Variants in MAF observed in about 807,000 individuals in gnomAD.
The protein encoded by MAF is transcription factor Maf.
Under a neutral mutation model 22.0 loss-of-function variants are expected in MAF, and 10 were observed. The ratio of observed to expected loss-of-function variants is 0.45; its 90% CI spans 0.28 to 0.77. MAF has a LOEUF of 0.77. Among genes scored for constraint, MAF ranks in the 30% least tolerant of loss-of-function variants. The pLI is 0.12. For missense variants in MAF, 544 were observed against 548.4 expected, an observed-to-expected ratio of 0.99 and a Z score of 0.08; for synonymous variants, 337 against 255.8, an observed-to-expected ratio of 1.32 and a Z score of -3.03.
chr16:79,336,918 C>G, the MAF span, among the ~76,000 whole-genome samples: 1 of 152,136 alleles, frequency 6.6e-6, no homozygotes, highest in African/African-American at 2.4e-5. Context: ...CTGGGGTGTA[C>G]AAGACGTTGT....
the MAF span, among the ~76,000 whole-genome samples, chr16:79,496,744 T>C: frequency 6.6e-6 from 1 of 152,158 alleles, no homozygotes; most frequent in East Asian, 1.9e-4. Flanking sequence ...GCTATGAAAA[T>C]AAACACACCA....
the MAF span, among the ~76,000 whole-genome samples, chr16:79,246,377 C>A: frequency 2.0e-5 from 3 of 152,052 alleles, no homozygotes; most frequent in African/African-American, 7.2e-5. Context: ...TATCTCAACC[C>A]ACAAATGTTA....
chr16:79,399,696 G>A, the MAF span, among the ~76,000 whole-genome samples: 13 of 152,222 alleles, frequency 8.5e-5, no homozygotes, highest in African/African-American at 2.4e-4. Context: ...AAACATAACC[G>A]AGATCAAGGC....
At chr16:79,476,730 T>C in the MAF span, among the ~76,000 whole-genome samples, 2 of 152,186 alleles carry the variant, frequency 1.3e-5, no homozygotes, top group Non-Finnish European at 2.9e-5. Context: ...GTGAGAAGGC[T>C]GACAAGATGA....
At chr16:79,402,506 A>G in the MAF span, among the ~76,000 whole-genome samples, 1 of 152,104 alleles carries the variant, frequency 6.6e-6, no homozygotes, top group Admixed American at 6.5e-5. Flanking sequence ...CCTGGAAAAC[A>G]CTGGGCCAGT....
chr16:79,325,478 G>T, the MAF span, among the ~76,000 whole-genome samples: 2 of 152,090 alleles, frequency 1.3e-5, no homozygotes, highest in Non-Finnish European at 2.9e-5. Flanking sequence ...CTGGCTCAGG[G>T]TCCCACAGCT....
At chr16:79,484,221 G>C in the MAF span, among the ~76,000 whole-genome samples, 1 of 152,190 alleles carries the variant, frequency 6.6e-6, no homozygotes, top group African/African-American at 2.4e-5. Flanking sequence ...AACCGTCCAG[G>C]TCCCCTGAGA....
the MAF span, among the ~76,000 whole-genome samples, chr16:79,524,157 A>G: frequency 6.6e-6 from 1 of 152,168 alleles, no homozygotes; most frequent in Non-Finnish European, 1.5e-5. Context: ...TTCCTCTTTG[A>G]TAAACCCTCT....
chr16:79,269,561 A>T, the MAF span, among the ~76,000 whole-genome samples: 8 of 152,192 alleles, frequency 5.3e-5, no homozygotes, highest in African/African-American at 1.9e-4. Flanking sequence ...GATTAATGGC[A>T]TCTTGAGGTT....
the MAF span, among the ~76,000 whole-genome samples, chr16:79,513,546 T>C: frequency 6.6e-6 from 1 of 151,966 alleles, no homozygotes; most frequent in East Asian, 1.9e-4. Flanking sequence ...TCTAGCAAAG[T>C]GGTTGTGAGC....
the MAF span, among the ~76,000 whole-genome samples, chr16:79,391,766 C>G: frequency 1.3e-5 from 2 of 152,200 alleles, no homozygotes; most frequent in East Asian, 3.9e-4. Context: ...TGCCAAAGCG[C>G]ATCATCTGCT....
chr16:79,554,249 T>C, the MAF span, among the ~76,000 whole-genome samples: 1 of 151,942 alleles, frequency 6.6e-6, no homozygotes, highest in Non-Finnish European at 1.5e-5. Context: ...GCCCAAGAGG[T>C]AGGAAGTAAA....
the MAF span, chr16:79,205,130 TG>T: frequency 5.9e-5 from 9 of 152,348 alleles, 1 homozygote; most frequent in Admixed American, 2.6e-4. Context: ...TGTGAGCACG[TG>T]CCTGTCATTT....
chr16:79,593,435 G>A (rs898663463), downstream of MAF, among the ~76,000 whole-genome samples: 8 of 152,146 alleles, frequency 5.3e-5, no homozygotes, highest in African/African-American at 1.9e-4. Context: ...GTGGCAAGGG[G>A]GTGGTTCTAC....
the MAF span, among the ~76,000 whole-genome samples, chr16:79,381,357 C>A: frequency 1.3e-5 from 2 of 152,184 alleles, no homozygotes; most frequent in African/African-American, 4.8e-5. Flanking sequence ...GAAAACAGAT[C>A]CATACTCTGA....
the MAF span, among the ~76,000 whole-genome samples, chr16:79,567,695 C>T: frequency 6.6e-6 from 1 of 152,196 alleles, no homozygotes; most frequent in Admixed American, 6.5e-5. Flanking sequence ...TCCCTGCCTA[C>T]CATCGCCTCC....
At chr16:79,522,746 G>A in the MAF span, among the ~76,000 whole-genome samples, 26 of 152,326 alleles carry the variant, frequency 1.7e-4, no homozygotes, top group African/African-American at 6.3e-4. Context: ...TCCAACGATG[G>A]CTTGCTTGCT....
chr16:79,488,744 CCT>C, the MAF span, among the ~76,000 whole-genome samples: 1 of 152,174 alleles, frequency 6.6e-6, no homozygotes, highest in South Asian at 2.1e-4. Context: ...TCAGAGGCAC[CCT>C]TAGAGAATGC....
chr16:79,479,109 G>A, the MAF span, among the ~76,000 whole-genome samples: 34 of 150,708 alleles, frequency 2.3e-4, 1 homozygote, highest in South Asian at 3.8e-3. Flanking sequence ...CACCACCCCA[G>A]CATATCTGTA....
Sources: allele counts gnomAD v4.1 joint callset (sites outside exome capture counted in the v4.1 genomes callset), GRCh38; gene constraint gnomAD v4.1.1; transcripts MANE v1.5; gene names NCBI Gene and HGNC (gene_info 2026-07-23, HGNC 2026-07-21).